RIN3: variants seen among roughly 807,000 people sequenced by gnomAD.
RIN3 encodes RAB5 interacting protein 3.
In RIN3, 54 loss-of-function variants were observed where a neutral mutation model predicts 76.3. The ratio of observed to expected loss-of-function variants is 0.71; its 90% CI spans 0.57 to 0.89. The LOEUF is 0.89. Among genes scored for constraint, RIN3 ranks in the 40% least tolerant of loss-of-function variants. RIN3 has a pLI of 0.00. For synonymous variants in RIN3, 576 were observed against 564.0 expected, an observed-to-expected ratio of 1.02 and a Z score of -0.30; for missense variants, 1,256 against 1,322.1, an observed-to-expected ratio of 0.95 and a Z score of 0.78.
rs1555394786 is a variant in RIN3, at chr14:92,688,053, C to T, written c.2759C>T (p.Ala920Val). The change falls in exon 10 of 10, where the codon GCG becomes GTG. Residue 920 changes from alanine to valine, a missense_variant. Transcript: ENST00000216487. Reference protein sequence around the residue: ...AEKFAVERPQAHRLFVLVDGR... With the variant: ...AEKFAVERPQVHRLFVLVDGR... ...AAGTTCGCGGTGGAGCGGCCGCAGG[C>T]GCACCGGCTGTTCGTGCTGGTGGAC... The T allele has an allele frequency of 6.2e-7, 1 of 1,601,268 alleles. No homozygotes were observed. The highest frequency in any genetic ancestry group is 1.1e-5 in the South Asian group (1 of 89,680).
intron 4 of RIN3, among the ~76,000 whole-genome samples, chr14:92,635,906 C>A (rs17184313): frequency 1.3e-5 from 2 of 152,050 alleles, no homozygotes; most frequent in African/African-American, 4.8e-5. Context: ...GTGCTCAATT[C>A]GTTCTTTGCA....
intron 8 of RIN3, among the ~76,000 whole-genome samples, chr14:92,676,920 T>A (rs1158986673): frequency 2.6e-5 from 4 of 151,832 alleles, no homozygotes; most frequent in Non-Finnish European, 4.4e-5. Context: ...AGGTGACATC[T>A]GAGCTGAGCA....
At chr14:92,576,532 G>T (rs569943059) in intron 2 of RIN3, among the ~76,000 whole-genome samples, 2 of 152,226 alleles carry the variant, frequency 1.3e-5, no homozygotes, top group African/African-American at 4.8e-5. Context: ...GGTCCCAAGC[G>T]TTGACACCAG....
chr14:92,601,589 T>C (rs2146499), intron 3 of RIN3, among the ~76,000 whole-genome samples: 148,914 of 152,330 alleles, frequency 0.98, 72,789 homozygotes, highest in East Asian at 1. Context: ...ACCTCCCTTC[T>C]CCCCGTCCCC....
At position 92,685,500 on chromosome 14, in the gene RIN3, A is replaced by G. The variant is rs1211289678; in HGVS notation, c.2631+350A>G. 4 of 241,888 alleles carry G rather than the reference A, an allele frequency of 1.7e-5. No individual in the cohort carries two copies. The highest frequency in any genetic ancestry group is 2.5e-5 in the Non-Finnish European group (3 of 121,554). 15.0% of individuals were successfully genotyped at this position (241,888 alleles called of 1,614,324 possible). Reference sequence around the variant, plus strand: ...GACTTGTCATCCCAGTCCCTGCTTTAAGGAGCCCACAGGCTCATCTACAGC... The same window carrying G: ...GACTTGTCATCCCAGTCCCTGCTTTGAGGAGCCCACAGGCTCATCTACAGC... On this transcript the variant is annotated intron_variant, in intron 9 of 9. Transcript: ENST00000216487. This position sits in a 1 kb window ranked among gnomAD's most constrained non-coding sequence, Gnocchi z 4.7.
rs918594558 is a variant in RIN3, at chr14:92,653,048, C to A, written c.1999C>A (p.Pro667Thr). The part of the protein sequence containing the change: ...QSTELKALVD[P>T]ALHSEEELEA... The stretch of plus-strand genomic sequence containing the variant: ...CACCGAGCTCAAGGCCCTGGTGGAC[C>A]CCGCCCTGCACTCCGAGGAGGAGCT... The change falls in exon 6 of 10, where the codon CCC becomes ACC. Residue 667 changes from proline to threonine, a missense_variant. Coordinates refer to ENST00000216487, the MANE Select transcript of RIN3 (RefSeq NM_024832.5). 3.1e-6 allele frequency: 5 copies of A among 1,606,722 alleles called. No homozygotes were observed. Among genetic ancestry groups the A allele is most frequent in the Non-Finnish European group, 4.2e-6 (5 of 1,179,540 alleles).
At chr14:92,557,634 G>GTCA (rs1897632781) in intron 2 of RIN3, among the ~76,000 whole-genome samples, 1 of 152,228 alleles carries the variant, frequency 6.6e-6, no homozygotes, top group South Asian at 2.1e-4. Flanking sequence ...TGCTACAGAG[G>GTCA]CCCCTGTCAC....
At chr14:92,562,266 C>T (rs1274255286) in intron 2 of RIN3, among the ~76,000 whole-genome samples, 2 of 152,224 alleles carry the variant, frequency 1.3e-5, no homozygotes, top group African/African-American at 2.4e-5. Context: ...CTCGGAATGA[C>T]TTAACCACTG....
chr14:92,674,490 C>T (rs953364099), intron 7 of RIN3, among the ~76,000 whole-genome samples: 3 of 152,068 alleles, frequency 2.0e-5, no homozygotes, highest in African/African-American at 7.2e-5. Flanking sequence ...GTAGTCCCAG[C>T]TACTCAGGAG....
Position 92,573,381 on chromosome 14 carries a change from A to G in RIN3, c.250-3979A>G, listed in dbSNP as rs553538359. On this transcript the variant is annotated intron_variant, in intron 2 of 9. Coordinates refer to ENST00000216487, the MANE Select transcript of RIN3 (RefSeq NM_024832.5). ...GGGTGCATCTTCCTCCCAGCACATC[A>G]GTGTGTTCACCAGCCAGAAAGTCCA... Among the ~76,000 whole-genome samples, 10 of 152,312 alleles carry G rather than the reference A, an allele frequency of 6.6e-5. No individual in the cohort carries two copies. In the South Asian group the frequency reaches 1.9e-3, roughly 28 times the overall value.
chr14:92,586,153 G>A (rs1291182323), intron 3 of RIN3, among the ~76,000 whole-genome samples: 1 of 152,198 alleles, frequency 6.6e-6, no homozygotes, highest in Non-Finnish European at 1.5e-5. Context: ...AGGGGCTTGG[G>A]ACCGTGTTGC....
chr14:92,608,775 T>A (rs1256718095), intron 3 of RIN3, among the ~76,000 whole-genome samples: 1 of 152,182 alleles, frequency 6.6e-6, no homozygotes, highest in Non-Finnish European at 1.5e-5. Context: ...CCTCAACTGA[T>A]CTGCTTGCCT....
intron 9 of RIN3, 47 bp from the exon 10 acceptor site, chr14:92,687,879 A>G (rs2140182186): frequency 6.8e-7 from 1 of 1,465,330 alleles, no homozygotes; most frequent in Non-Finnish European, 9.0e-7. Flanking sequence ...AGGGCGCCTG[A>G]GGAGACAGGG....
chr14:92,557,299 C>G (rs935478302), intron 2 of RIN3, among the ~76,000 whole-genome samples: 10 of 152,338 alleles, frequency 6.6e-5, no homozygotes, highest in Admixed American at 6.5e-4. Flanking sequence ...TGCCCTCCCC[C>G]AGGGGACACA....
At chr14:92,642,655 C>A (rs574865063) in intron 5 of RIN3, among the ~76,000 whole-genome samples, 1 of 152,280 alleles carries the variant, frequency 6.6e-6, no homozygotes, top group East Asian at 1.9e-4. Flanking sequence ...AGAACCAGAT[C>A]ACAGAGGAAG....
intron 2 of RIN3, 93 bp from the exon 3 acceptor site, chr14:92,577,267 G>A: frequency 2.5e-6 from 2 of 799,702 alleles, no homozygotes; most frequent in Non-Finnish European, 4.3e-6. Flanking sequence ...ATCATTTCAG[G>A]AACCTTCCAG....
rs1041770334 is a variant in RIN3, at chr14:92,681,294, G to A, written c.2468-3693G>A. 7.2e-5 allele frequency among the ~76,000 whole-genome samples: 11 copies of A among 151,820 alleles called. No homozygotes were observed. Among genetic ancestry groups the A allele is most frequent in the Admixed American group, 2.6e-4 (4 of 15,228 alleles). On this transcript the variant is annotated intron_variant, in intron 8 of 9. Transcript: ENST00000216487. The surrounding 1 kb of genome is among the most constrained non-coding windows in gnomAD (Gnocchi z 4.7). ...TCATGGCCCCAAGTCAAAGAGGAAG[G>A]CTGGCAGAGAGAGAGGCCTCACGAA... is the stretch of plus-strand genomic sequence containing the variant.
chr14:92,586,100 C>G (rs564450258), intron 3 of RIN3, among the ~76,000 whole-genome samples: 1 of 152,336 alleles, frequency 6.6e-6, no homozygotes, highest in South Asian at 2.1e-4. Flanking sequence ...TGCAACACAG[C>G]TACTGGGAGG....
At position 92,648,135 on chromosome 14, in the gene RIN3, G is replaced by A. The variant is rs1203701584; in HGVS notation, c.533-3447G>A. Among the ~76,000 whole-genome samples the A allele has an allele frequency of 2.1e-5, 3 of 144,324 alleles. No individual in the cohort carries two copies. The highest frequency in any genetic ancestry group is 4.5e-5 in the Non-Finnish European group (3 of 66,848). The allele number at this position is 144,324 out of a possible 152,430, so 94.7% of individuals were successfully genotyped here. A position where few individuals can be genotyped will look rare whatever the true frequency, so the allele number is the denominator to read the frequency against. ...GCATAAAGCCCTGCAATGCCACTGT[G>A]GTTCCCTAACAGGTCCCAAGACCCC... On this transcript the variant is annotated intron_variant, in intron 5 of 9. Coordinates refer to ENST00000216487, the MANE Select transcript of RIN3 (RefSeq NM_024832.5). This position sits in a 1 kb window ranked among gnomAD's most constrained non-coding sequence, Gnocchi z 4.1.
Sources: gnomAD v4.1 joint callset for allele counts (sites outside exome capture counted in the v4.1 genomes callset) on GRCh38, gnomAD v4.1.1 for gene constraint, Gnocchi (gnomAD v3.1) non-coding constraint, MANE v1.5 for transcripts, NCBI Gene and HGNC (gene_info 2026-07-23, HGNC 2026-07-21) for gene names.